The following METTL14 variants were observed in gnomAD, a reference collection of about 807,000 sequenced individuals.
The protein encoded by METTL14 is methyltransferase 14, N6-adenosine-methyltransferase non-catalytic subunit.
Under a neutral mutation model 62.4 loss-of-function variants are expected in METTL14, and 32 were observed. The ratio of observed to expected loss-of-function variants is 0.51; its 90% CI spans 0.39 to 0.69. METTL14 has a LOEUF of 0.69. Ranked by LOEUF, METTL14 falls within the 30% of genes least tolerant of loss-of-function variation. The pLI is 0.00. For synonymous variants in METTL14, 150 were observed against 180.0 expected (o/e 0.83, Z 1.34); for missense variants, 340 against 551.9 (o/e 0.62, Z 3.85).
chr4:118,703,442 T>G (rs1315093770), intron 8 of METTL14, among the ~76,000 whole-genome samples: 2 of 152,226 alleles, frequency 1.3e-5, no homozygotes, highest in African/African-American at 4.8e-5. Context: ...AATTTTAAGT[T>G]TGAACATTTT....
intron 8 of METTL14, 84 bp from the exon 9 acceptor site, chr4:118,703,851 T>G: frequency 1.3e-6 from 1 of 763,162 alleles, no homozygotes; most frequent in Non-Finnish European, 2.0e-6. Context: ...CTCTAGAAAG[T>G]TTTTTTTAAT....
chr4:118,695,204 TC>T (rs1309053719), intron 6 of METTL14, among the ~76,000 whole-genome samples: 2 of 152,150 alleles, frequency 1.3e-5, no homozygotes, highest in Non-Finnish European at 2.9e-5. Flanking sequence ...CAGTTTTTTT[TC>T]AGCTTTTCAG....
At chr4:118,693,539 TC>T (rs1724317609) in intron 5 of METTL14, among the ~76,000 whole-genome samples, 1 of 152,162 alleles carries the variant, frequency 6.6e-6, no homozygotes, top group South Asian at 2.1e-4. Context: ...ATTTAGTTTT[TC>T]CTTTGTTACT....
chr4:118,692,418 G>A (rs1348958903), intron 5 of METTL14, among the ~76,000 whole-genome samples: 1 of 151,462 alleles, frequency 6.6e-6, no homozygotes, highest in Non-Finnish European at 1.5e-5. Context: ...TAGTAGAGAC[G>A]AGGTTTCACC....
At chr4:118,698,024 A>G (rs1306843389) in intron 7 of METTL14, among the ~76,000 whole-genome samples, 3 of 152,114 alleles carry the variant, frequency 2.0e-5, no homozygotes, top group African/African-American at 4.8e-5. Context: ...TGGAACACAG[A>G]TTGGGACTAT....
At chr4:118,699,556 AT>A (rs1421352335) in intron 7 of METTL14, among the ~76,000 whole-genome samples, 1 of 152,164 alleles carries the variant, frequency 6.6e-6, no homozygotes, top group African/African-American at 2.4e-5. Context: ...ATTAAAAACC[AT>A]TTTTTATCAG....
chr4:118,698,477 A>AT (rs1724490157), intron 7 of METTL14, among the ~76,000 whole-genome samples: 5 of 143,110 alleles, frequency 3.5e-5, no homozygotes, highest in African/African-American at 7.5e-5. Flanking sequence ...AAAAAAAAAA[A>AT]TTTTGGAAAA....
intron 7 of METTL14, among the ~76,000 whole-genome samples, chr4:118,698,377 C>T (rs767546212): frequency 2.7e-5 from 4 of 147,832 alleles, no homozygotes; most frequent in African/African-American, 7.6e-5. Flanking sequence ...AGCTTGAACC[C>T]GGGAAGCGGA....
chr4:118,706,971 G>C (rs535775569), intron 10 of METTL14, among the ~76,000 whole-genome samples: 1 of 152,054 alleles, frequency 6.6e-6, no homozygotes, highest in African/African-American at 2.4e-5. Flanking sequence ...TGTATATTTT[G>C]GAGAATAGTA....
At chr4:118,700,709 TAGGATG>T in intron 8 of METTL14, 67 bp downstream of exon 8, 19 of 1,118,298 alleles carry the variant, frequency 1.7e-5, no homozygotes, top group Non-Finnish European at 2.2e-5. Flanking sequence ...GTATGTTGCA[TAGGATG>T]TTTGAAAGTG....
At chr4:118,692,188 C>T in intron 5 of METTL14, 120 bp downstream of exon 5, 1 of 633,344 alleles carries the variant, frequency 1.6e-6, no homozygotes, top group Non-Finnish European at 2.7e-6. Context: ...TTTTTTCGTT[C>T]TCAGTGCTTC....
In METTL14 at chr4:118,710,934, A is replaced by C. The variant is rs1167786803; in HGVS notation, c.*632A>C. The C allele has an allele frequency of 2.0e-5, 3 of 152,000 alleles. No homozygotes were observed. Among genetic ancestry groups the C allele is most frequent in the Non-Finnish European group, 4.4e-5 (3 of 68,004 alleles). The allele number at this position is 152,000 out of a possible 1,614,324, so 9.4% of individuals were successfully genotyped here. A position where few individuals can be genotyped will look rare whatever the true frequency, so the allele number is the denominator to read the frequency against. On this transcript the variant is annotated 3_prime_UTR_variant, in exon 11 of 11. Transcript: ENST00000388822. ...GCAGGCAGACTTAAAAAAAAAAAAAAAGTTTATCATCATAATCTCAATTTT... is the reference window on the plus strand; with the variant it reads ...GCAGGCAGACTTAAAAAAAAAAAAACAGTTTATCATCATAATCTCAATTTT...
In METTL14 at chr4:118,714,211, A is replaced by G. The variant is rs1724996831; in HGVS notation, c.*3909A>G. On this transcript the variant is annotated 3_prime_UTR_variant, in exon 11 of 11. Transcript: ENST00000388822. The stretch of plus-strand genomic sequence containing the variant: ...TTGTTTGCATATTAACGACATGGAA[A>G]TATTTTCACTCATTTACTTTCATCC... 1 of 152,224 alleles carries G rather than the reference A, an allele frequency of 6.6e-6. No individual in the cohort carries two copies. The highest frequency in any genetic ancestry group is 1.5e-5 in the Non-Finnish European group (1 of 68,048). 9.4% of individuals were successfully genotyped at this position (152,224 alleles called of 1,614,324 possible). A position where few individuals can be genotyped will look rare whatever the true frequency, so the allele number is the denominator to read the frequency against.
Position 118,700,430 on chromosome 4 carries a change from T to C in METTL14, c.646-120T>C, listed in dbSNP as rs990072924. 2.6e-5 allele frequency: 18 copies of C among 705,876 alleles called. No individual in the cohort carries two copies. The Admixed American group carries it at 4.9e-4, about 19-fold the overall frequency. The allele number at this position is 705,876 out of a possible 1,614,324, so 43.7% of individuals were successfully genotyped here. ...ACATTTATTTTCTGTTAGTTCCTAA[T>C]GGAAACTAATACACTTAAAGAACAC... On this transcript the variant is annotated intron_variant, in intron 7 of 10. Transcript: ENST00000388822.
Position 118,710,333 on chromosome 4 carries a change from C to T in METTL14, c.*31C>T. ...GAAGACATTGAACCTATTCATCCTC[C>T]TCTAACCTTCTTTATTGTAATTAAA... On this transcript the variant is annotated 3_prime_UTR_variant, in exon 11 of 11. Coordinates refer to ENST00000388822, the MANE Select transcript of METTL14 (RefSeq NM_020961.4). 1 of 1,552,748 alleles carries T rather than the reference C, an allele frequency of 6.4e-7. No individual in the cohort carries two copies. Among genetic ancestry groups the T allele is most frequent in the South Asian group, 1.2e-5 (1 of 81,442 alleles).
chr4:118,691,269 G>A (rs1724238173), intron 3 of METTL14, among the ~76,000 whole-genome samples: 2 of 151,988 alleles, frequency 1.3e-5, no homozygotes, highest in African/African-American at 4.8e-5. Context: ...TTATAGTATT[G>A]TATATGAGAT....
At chr4:118,700,714 T>A in intron 8 of METTL14, 72 bp downstream of exon 8, 1 of 965,422 alleles carries the variant, frequency 1.0e-6, no homozygotes. Flanking sequence ...TTGCATAGGA[T>A]GTTTGAAAGT....
chr4:118,703,759 T>C (rs1202281443), intron 8 of METTL14, among the ~76,000 whole-genome samples, 176 bp from the exon 9 acceptor site: 1 of 152,228 alleles, frequency 6.6e-6, no homozygotes. Flanking sequence ...ATTATGGCTA[T>C]GTATTTAAAG....
chr4:118,711,812 G>C lies in METTL14; in HGVS notation c.*1510G>C, dbSNP rs1455885731. 2 of 152,158 alleles carry C rather than the reference G, an allele frequency of 1.3e-5. No individual in the cohort carries two copies. The highest frequency in any genetic ancestry group is 6.5e-5 in the Admixed American group (1 of 15,278). 9.4% of individuals were successfully genotyped at this position (152,158 alleles called of 1,614,324 possible). A position where few individuals can be genotyped will look rare whatever the true frequency, so the allele number is the denominator to read the frequency against. On this transcript the variant is annotated 3_prime_UTR_variant, in exon 11 of 11. Transcript: ENST00000388822. ...ATGTCAGCATTGACCTGGGAATGAA[G>C]TCAGGATAGAGAAATTCCACTTGCC...
Sources: allele counts gnomAD v4.1 joint callset (sites outside exome capture counted in the v4.1 genomes callset), GRCh38; gene constraint gnomAD v4.1.1; transcripts MANE v1.5; gene names NCBI Gene and HGNC (gene_info 2026-07-23, HGNC 2026-07-21).